GAS7: variants seen among roughly 807,000 people sequenced by gnomAD.
GAS7 encodes growth arrest specific 7, also known as growth arrest-specific protein 7.
In GAS7, 28 loss-of-function variants were observed where a neutral mutation model predicts 71.1. That is an observed-to-expected ratio of 0.39 (90% CI 0.29 to 0.54). The LOEUF (loss-of-function observed/expected upper bound fraction) is 0.54, where lower values mean the gene tolerates loss of function less well. GAS7 is among the 20% of genes least tolerant of loss of function. The probability of loss-of-function intolerance (pLI) is 0.62; values close to 1 mark genes in which losing one functional copy is unlikely to be tolerated. For synonymous variants in GAS7, 258 were observed against 245.8 expected (o/e 1.05, Z -0.46); for missense variants, 436 against 627.8 (o/e 0.69, Z 3.27).
At chr17:10,075,175 G>A (rs1379978730) in intron 1 of GAS7, among the ~76,000 whole-genome samples, 1 of 151,884 alleles carries the variant, frequency 6.6e-6, no homozygotes, top group African/African-American at 2.4e-5. Context: ...GACCAACATG[G>A]TGAAACCCCA....
intron 1 of GAS7, among the ~76,000 whole-genome samples, chr17:10,101,994 C>T (rs2073705108): frequency 1.3e-5 from 2 of 152,058 alleles, no homozygotes; most frequent in Admixed American, 1.3e-4. Context: ...ACTCCCTCCC[C>T]AAATAGTGCC....
intron 1 of GAS7, among the ~76,000 whole-genome samples, chr17:10,052,629 C>T (rs1047940736): frequency 1.7e-4 from 26 of 152,228 alleles, no homozygotes; most frequent in Non-Finnish European, 1.8e-4. Context: ...AGCAAGTAAG[C>T]GGCACAGGCT....
intron 1 of GAS7, among the ~76,000 whole-genome samples, chr17:10,092,990 A>G (rs999488584): frequency 1.3e-5 from 2 of 152,222 alleles, no homozygotes; most frequent in African/African-American, 4.8e-5. Context: ...CCGTCTTGCC[A>G]TATAAGGTAA....
intron 1 of GAS7, among the ~76,000 whole-genome samples, chr17:10,159,065 C>CATATATATATATATAT (rs745794234): frequency 0.025 from 1,517 of 59,616 alleles, 68 homozygotes; most frequent in Non-Finnish European, 0.03. Context: ...GTCTCTAAAA[C>CATATATATATATATAT]ATATATATAT....
intron 1 of GAS7, among the ~76,000 whole-genome samples, chr17:10,177,977 T>C (rs2074385524): frequency 6.6e-6 from 1 of 151,958 alleles, no homozygotes; most frequent in African/African-American, 2.4e-5. Flanking sequence ...ATTAGGCACC[T>C]CCGAGAGCAA....
intron 1 of GAS7, among the ~76,000 whole-genome samples, chr17:10,179,707 G>T (rs1315418833): frequency 6.6e-6 from 1 of 152,156 alleles, no homozygotes; most frequent in East Asian, 1.9e-4. Context: ...CAGACAAACA[G>T]GGACCTGATG....
At chr17:10,115,335 C>T (rs1234967615) in intron 1 of GAS7, among the ~76,000 whole-genome samples, 1 of 151,938 alleles carries the variant, frequency 6.6e-6, no homozygotes, top group African/African-American at 2.4e-5. Context: ...GCGGGGGGAA[C>T]GCTGCAAAAA....
chr17:10,165,826 G>A (rs541818478), intron 1 of GAS7, among the ~76,000 whole-genome samples: 4 of 152,156 alleles, frequency 2.6e-5, no homozygotes, highest in Admixed American at 6.5e-5. Context: ...CGGGACACTT[G>A]TGTGCACTGA....
At chr17:10,102,950 T>C (rs1374955557) in intron 1 of GAS7, among the ~76,000 whole-genome samples, 1 of 152,096 alleles carries the variant, frequency 6.6e-6, no homozygotes, top group Non-Finnish European at 1.5e-5. Context: ...TTCCTAAACT[T>C]CCCATTGAGG....
At chr17:10,193,260 C>CAA (rs57261260) in intron 1 of GAS7, among the ~76,000 whole-genome samples, 27,670 of 113,074 alleles carry the variant, frequency 0.24, 3,906 homozygotes, top group East Asian at 0.52. Flanking sequence ...CCTCTAGAGT[C>CAA]AAAAAAAAAA....
intron 1 of GAS7, among the ~76,000 whole-genome samples, chr17:10,041,304 C>T (rs1472788174): frequency 1.3e-5 from 2 of 152,106 alleles, no homozygotes; most frequent in Non-Finnish European, 2.9e-5. Context: ...AGTTTTGTAA[C>T]AGCAAAGAGG....
chr17:9,953,206 G>T (rs1744187574), intron 5 of GAS7, among the ~76,000 whole-genome samples: 1 of 152,020 alleles, frequency 6.6e-6, no homozygotes, highest in Non-Finnish European at 1.5e-5. Flanking sequence ...GACATGGATG[G>T]AGCTGGAAGC....
At chr17:10,156,155 C>T (rs2074203467) in intron 1 of GAS7, among the ~76,000 whole-genome samples, 1 of 152,238 alleles carries the variant, frequency 6.6e-6, no homozygotes, top group Admixed American at 6.5e-5. Context: ...CTTTCCATCA[C>T]TTTTTTGGTC....
At chr17:10,171,771 T>C (rs963475498) in intron 1 of GAS7, among the ~76,000 whole-genome samples, 1 of 148,306 alleles carries the variant, frequency 6.7e-6, no homozygotes, top group South Asian at 2.3e-4. Context: ...TTCTTTGACC[T>C]CTCTGAGCCT....
chr17:10,067,145 G>T (rs1012688942), intron 1 of GAS7, among the ~76,000 whole-genome samples: 3 of 152,144 alleles, frequency 2.0e-5, no homozygotes, highest in Admixed American at 2.0e-4. Flanking sequence ...ATATGGGGGA[G>T]GGATGGGGTG....
At chr17:10,033,979 C>G (rs1202075917) in intron 1 of GAS7, 1 of 248,828 alleles carries the variant, frequency 4.0e-6, no homozygotes, top group Non-Finnish European at 6.4e-6. Context: ...GGAACCGTTT[C>G]CAAGACTCAG....
intron 1 of GAS7, among the ~76,000 whole-genome samples, chr17:10,195,357 C>A (rs577247137): frequency 2.0e-5 from 3 of 152,302 alleles, no homozygotes; most frequent in Non-Finnish European, 2.9e-5. Context: ...TTCATCTGAA[C>A]AAGGAAGATC....
At chr17:10,184,730 T>C (rs1212569691) in intron 1 of GAS7, among the ~76,000 whole-genome samples, 3 of 152,188 alleles carry the variant, frequency 2.0e-5, no homozygotes, top group African/African-American at 7.2e-5. Flanking sequence ...TTATTCATAA[T>C]GAGCCCATTT....
chr17:10,138,402 A>T (rs545028353), intron 1 of GAS7, among the ~76,000 whole-genome samples: 2 of 152,338 alleles, frequency 1.3e-5, no homozygotes, highest in Admixed American at 1.3e-4. Context: ...AGGAAATATG[A>T]ATGTGGGATA....
Sources: gnomAD v4.1 joint callset for allele counts (sites outside exome capture counted in the v4.1 genomes callset) on GRCh38, gnomAD v4.1.1 for gene constraint, MANE v1.5 for transcripts, NCBI Gene and HGNC (gene_info 2026-07-23, HGNC 2026-07-21) for gene names.